KCNMB2: variants seen among roughly 807,000 people sequenced by gnomAD.
KCNMB2 encodes potassium calcium-activated channel subfamily M regulatory beta subunit 2, also known as calcium-activated potassium channel subunit beta-2.
KCNMB2 carries 9 observed loss-of-function variants against 24.5 expected under a neutral mutation model. The ratio of observed to expected loss-of-function variants is 0.37; its 90% CI spans 0.22 to 0.64. The LOEUF is 0.64. KCNMB2 is among the 30% of genes least tolerant of loss of function. KCNMB2 has a pLI of 0.63. For synonymous variants in KCNMB2, 109 were observed against 104.4 expected, an observed-to-expected ratio of 1.04 and a Z score of -0.27; for missense variants, 226 against 284.3, an observed-to-expected ratio of 0.79 and a Z score of 1.47.
intron 1 of KCNMB2, among the ~76,000 whole-genome samples, chr3:178,573,431 C>T (rs1258985620): frequency 2.6e-5 from 4 of 151,962 alleles, no homozygotes; most frequent in Admixed American, 6.6e-5. Context: ...AAGCCAGTTC[C>T]GTATTTGACC....
At position 178,731,861 on chromosome 3, in the gene KCNMB2, C is replaced by T. The variant is rs138850730; in HGVS notation, c.-67-75482C>T. On this transcript the variant is annotated intron_variant, in intron 1 of 4. Coordinates refer to ENST00000452583, the MANE Select transcript of KCNMB2 (RefSeq NM_181361.3). ...GAGTTTGCAGTGAGCCTAGGTTGTG[C>T]CGCTGCACTCCAGCTTGGGCAACAA... 6.4e-3 allele frequency among the ~76,000 whole-genome samples: 972 copies of T among 152,334 alleles called. 7 individuals carry two copies. The highest frequency in any genetic ancestry group is 9.5e-3 in the Non-Finnish European group (643 of 68,028).
chr3:178,800,043 C>A (rs1272674417), intron 1 of KCNMB2, among the ~76,000 whole-genome samples: 1 of 152,074 alleles, frequency 6.6e-6, no homozygotes, highest in Non-Finnish European at 1.5e-5. Context: ...GGATTAAAAA[C>A]TTAAATCTAA....
At chr3:178,687,358 CTCA>C (rs1348222514) in intron 1 of KCNMB2, among the ~76,000 whole-genome samples, 1 of 152,098 alleles carries the variant, frequency 6.6e-6, no homozygotes, top group East Asian at 1.9e-4. Context: ...CTCATTGAGT[CTCA>C]TCATATTTTT....
chr3:178,722,623 G>A lies in KCNMB2; in HGVS notation c.-67-84720G>A, dbSNP rs114138337. On this transcript the variant is annotated intron_variant, in intron 1 of 4. Transcript: ENST00000452583. ...ATGGTCCCACCTTTGGCGGGGCACG[G>A]TGACATATGCCTGTAATCCCAGCAC... Among the ~76,000 whole-genome samples the A allele has an allele frequency of 6.6e-3, 1,010 of 152,252 alleles. 16 individuals carry two copies. The highest frequency in any genetic ancestry group is 0.023 in the African/African-American group (955 of 41,540).
chr3:178,660,526 C>T lies in KCNMB2; in HGVS notation c.-68+123815C>T, dbSNP rs1644532712. Among the ~76,000 whole-genome samples the T allele has an allele frequency of 2.0e-5, 3 of 152,146 alleles. No individual in the cohort carries two copies. In the South Asian group the frequency reaches 6.2e-4, roughly 31 times the overall value. On this transcript the variant is annotated intron_variant, in intron 1 of 4. Coordinates refer to ENST00000452583, the MANE Select transcript of KCNMB2 (RefSeq NM_181361.3). The stretch of plus-strand genomic sequence containing the variant: ...CATCACAATAACTTAGAAATTCCAG[C>T]CATGTCTCTCAGAGCTGACAAGACC...
At chr3:178,588,878 T>G (rs1186389472) in intron 1 of KCNMB2, among the ~76,000 whole-genome samples, 1 of 152,144 alleles carries the variant, frequency 6.6e-6, no homozygotes, top group Admixed American at 6.5e-5. Context: ...GTAAGTAATT[T>G]ATGAGATAAT....
At chr3:178,635,601 A>G (rs1013864827) in intron 1 of KCNMB2, among the ~76,000 whole-genome samples, 1 of 152,094 alleles carries the variant, frequency 6.6e-6, no homozygotes, top group Non-Finnish European at 1.5e-5. Flanking sequence ...CATTCTCCTC[A>G]CCAGTCTCAT....
At chr3:178,539,609 C>T in intron 1 of KCNMB2, among the ~76,000 whole-genome samples, 1 of 152,094 alleles carries the variant, frequency 6.6e-6, no homozygotes. Context: ...ATTCCATTGT[C>T]AAATCCTCTT....
At chr3:178,554,304 T>C (rs1360008535) in intron 1 of KCNMB2, among the ~76,000 whole-genome samples, 2 of 152,340 alleles carry the variant, frequency 1.3e-5, no homozygotes, top group South Asian at 2.1e-4. Flanking sequence ...GATATGGTTG[T>C]AGATAAATTT....
intron 1 of KCNMB2, among the ~76,000 whole-genome samples, chr3:178,576,010 A>C (rs1384181253): frequency 6.6e-6 from 1 of 151,960 alleles, no homozygotes. Context: ...CACCTTTCCT[A>C]TATCACTCTA....
At chr3:178,668,501 T>C (rs1312045363) in intron 1 of KCNMB2, among the ~76,000 whole-genome samples, 2 of 152,110 alleles carry the variant, frequency 1.3e-5, no homozygotes, top group African/African-American at 2.4e-5. Flanking sequence ...TTTAAAATTA[T>C]AACCCTAGCA....
intron 1 of KCNMB2, among the ~76,000 whole-genome samples, chr3:178,784,954 C>T (rs1405844623): frequency 6.7e-6 from 1 of 150,138 alleles, no homozygotes; most frequent in Non-Finnish European, 1.5e-5. Context: ...CCCAGAATAT[C>T]TCTGACAAAT....
intron 1 of KCNMB2, among the ~76,000 whole-genome samples, chr3:178,589,124 C>G (rs1717568192): frequency 6.6e-6 from 1 of 152,154 alleles, no homozygotes; most frequent in South Asian, 2.1e-4. Flanking sequence ...TAGAAAATTA[C>G]CTAAAACATA....
chr3:178,735,458 C>T (rs1285978999), intron 1 of KCNMB2, among the ~76,000 whole-genome samples: 2 of 152,348 alleles, frequency 1.3e-5, no homozygotes, highest in South Asian at 2.1e-4. Context: ...CCTTAGTATG[C>T]GAGCCAACGC....
intron 1 of KCNMB2, among the ~76,000 whole-genome samples, chr3:178,718,801 A>C (rs1240376347): frequency 6.6e-6 from 1 of 152,142 alleles, no homozygotes; most frequent in Non-Finnish European, 1.5e-5. Context: ...TATATCGTAT[A>C]TGCATCTTAC....
chr3:178,751,537 G>GCACTC (rs1346060957), intron 1 of KCNMB2, among the ~76,000 whole-genome samples: 1 of 116,376 alleles, frequency 8.6e-6, no homozygotes, highest in East Asian at 2.9e-4. Flanking sequence ...TCATGCCATT[G>GCACTC]CACTCCAGCC....
chr3:178,557,734 A>G (rs185596779), intron 1 of KCNMB2, among the ~76,000 whole-genome samples: 5 of 152,370 alleles, frequency 3.3e-5, no homozygotes, highest in Admixed American at 2.0e-4. Flanking sequence ...TATCAAGAAT[A>G]AGGAAATCTA....
At chr3:178,747,607 A>G (rs1439890104) in intron 1 of KCNMB2, among the ~76,000 whole-genome samples, 3 of 152,212 alleles carry the variant, frequency 2.0e-5, no homozygotes, top group Non-Finnish European at 4.4e-5. Flanking sequence ...CACACAGCTA[A>G]TAAGAATCTA....
intron 4 of KCNMB2, among the ~76,000 whole-genome samples, chr3:178,830,392 C>T (rs1715009936): frequency 2.0e-5 from 3 of 152,058 alleles, no homozygotes; most frequent in Admixed American, 1.3e-4. Flanking sequence ...TAGTTTGGGA[C>T]TACTACAAGT....
Sources: gnomAD v4.1 joint callset for allele counts (sites outside exome capture counted in the v4.1 genomes callset) on GRCh38, gnomAD v4.1.1 for gene constraint, MANE v1.5 for transcripts, NCBI Gene and HGNC (gene_info 2026-07-23, HGNC 2026-07-21) for gene names.